The following ARMCX4 variants were observed in gnomAD, a reference collection of about 807,000 sequenced individuals.
ARMCX4 encodes the protein armadillo repeat-containing X-linked protein 4.
In ARMCX4, 3 loss-of-function variants were observed where a neutral mutation model predicts 34.7. The ratio of observed to expected loss-of-function variants is 0.09; its 90% confidence interval spans 0.04 to 0.22. The LOEUF is 0.22. Ranked by LOEUF, ARMCX4 falls within the 10% of genes least tolerant of loss-of-function variation. ARMCX4 has a pLI of 1.00. For missense variants in ARMCX4, 1,448 were observed against 1,720.8 expected, an observed-to-expected ratio of 0.84 and a Z score of 2.81; for synonymous variants, 513 against 632.8, an observed-to-expected ratio of 0.81 and a Z score of 2.84.
At chrX:101,531,662 T>G (rs1935130335) in exon 12 of ARMCX4, 1 of 111,730 alleles carries the variant, frequency 9.0e-6, no homozygotes, top group African/African-American at 3.2e-5. Flanking sequence ...ATCGATATTA[T>G]GGAAGCTATG....
rs781889713 is a variant in ARMCX4 at position 101,495,240 on chromosome X, G to A, written c.6651G>A (p.Glu2217=). 2.6e-6 allele frequency: 3 copies of A among 1,146,500 alleles called. No homozygotes were observed. The African/African-American group carries it at 5.4e-5, about 21-fold the overall frequency. 94.5% of individuals were successfully genotyped at this position (1,146,500 alleles called of 1,213,427 possible). Residue 2217 remains glutamate (E), a synonymous_variant, in exon 6 of 6, where the codon GAG becomes GAA. Coordinates refer to ENST00000423738, the MANE Select transcript of ARMCX4 (RefSeq NM_001256155.3). ...TSLINIFSKK[E]TKENILNALS... is the part of the protein sequence containing the mutation. ...TGATTAACATTTTTAGCAAGAAAGA[G>A]ACAAAGGAGAATATTCTTAATGCTC...
chrX:101,433,964 G>A (rs1200578236), intron 2 of ARMCX4, among the ~76,000 whole-genome samples: 1 of 101,225 alleles, frequency 9.9e-6, no homozygotes. Context: ...TTTTTTTTCC[G>A]AGATGGGGTC....
At chrX:101,512,561 T>C (rs1281729922) in intron 11 of ARMCX4, among the ~76,000 whole-genome samples, 1 of 109,667 alleles carries the variant, frequency 9.1e-6, no homozygotes, top group Non-Finnish European at 1.9e-5. Flanking sequence ...TTCTAGGTCA[T>C]TCAATGTTTA....
intron 4 of ARMCX4, among the ~76,000 whole-genome samples, chrX:101,473,263 C>G (rs1932994321): frequency 2.7e-5 from 3 of 111,439 alleles, no homozygotes; most frequent in East Asian, 2.8e-4. Context: ...GCTAACTATC[C>G]TAAATATATA....
At chrX:101,504,237 T>G (rs1934385446) in intron 7 of ARMCX4, among the ~76,000 whole-genome samples, 1 of 111,614 alleles carries the variant, frequency 9.0e-6, no homozygotes, top group South Asian at 3.8e-4. Context: ...TCCAGCTTTG[T>G]TCTTTTGGCT....
chrX:101,494,257 G>A lies in ARMCX4; in HGVS notation c.5668G>A (p.Glu1890Lys), dbSNP rs1356924525. Residue 1890 changes from glutamate (E) to lysine (K), a missense_variant, in exon 6 of 6, where the codon GAG becomes AAG. By Grantham distance (56) the Glu-to-Lys change is moderately conservative. Coordinates refer to ENST00000423738, the MANE Select transcript of ARMCX4 (RefSeq NM_001256155.3). The part of the protein sequence containing the change: ...RNVGEDELSR[E>K]SSPDIEEISL... The stretch of plus-strand genomic sequence containing the variant: ...TGTGGGAGAGGATGAGCTAAGTAGA[G>A]AGTCCAGCCCTGATATTGAGGAGAT... The A allele has an allele frequency of 1.7e-6, 2 of 1,155,060 alleles. No individual in the cohort carries two copies. Among genetic ancestry groups the A allele is most frequent in the East Asian group, 6.5e-5 (2 of 30,772 alleles).
chrX:101,436,395 T>C (rs1305694299), intron 2 of ARMCX4, among the ~76,000 whole-genome samples: 1 of 110,373 alleles, frequency 9.1e-6, no homozygotes, highest in Non-Finnish European at 1.9e-5. Flanking sequence ...TATTTTATTC[T>C]CTTTGAAGCA....
chrX:101,454,645 T>C (rs1855748045), intron 4 of ARMCX4, among the ~76,000 whole-genome samples: 1 of 111,176 alleles, frequency 9.0e-6, no homozygotes, highest in African/African-American at 3.3e-5. Context: ...TGGGAAGAGA[T>C]GTTCATAATT....
intron 4 of ARMCX4, among the ~76,000 whole-genome samples, chrX:101,475,637 C>G (rs1556004098): frequency 9.0e-6 from 1 of 111,304 alleles, no homozygotes; most frequent in African/African-American, 3.3e-5. Context: ...AAATATACCT[C>G]TGTACTGTAT....
downstream of ARMCX4, among the ~76,000 whole-genome samples, chrX:101,446,939 G>T (rs1931682031): frequency 1.2e-5 from 1 of 86,406 alleles, no homozygotes; most frequent in Admixed American, 1.3e-4. Flanking sequence ...AGGCGACAGA[G>T]TGAGACTCCG....
Position 101,492,344 on chromosome X carries a change from G to C in ARMCX4, c.3755G>C (p.Ser1252Thr). The change falls in exon 6 of 6, where the codon AGT becomes ACT. Residue 1252 changes from serine to threonine, a missense_variant. Ser to Thr is a moderately conservative substitution (Grantham distance 58). Around this residue, in one of 2 missense-constraint regions of ARMCX4, gnomAD observed 1,343 missense variants for 1,540.7 expected, o/e 0.87. Coordinates refer to ENST00000423738, the MANE Select transcript of ARMCX4 (RefSeq NM_001256155.3). ...GGGTCCTGGCCTGGGGGACAGGCCA[G>C]TGGGGTGTCCTGGGTTGGGGAAGAG... ...SDGSWPGGQA[S>T]GVSWVGEEAI... The C allele has an allele frequency of 3.5e-6, 4 of 1,152,330 alleles. No individual in the cohort carries two copies. The highest frequency in any genetic ancestry group is 4.6e-6 in the Non-Finnish European group (4 of 870,938). The allele number at this position is 1,152,330 out of a possible 1,213,427, so 95.0% of individuals were successfully genotyped here. A position where few individuals can be genotyped will look rare whatever the true frequency, so the allele number is the denominator to read the frequency against.
intron 2 of ARMCX4, among the ~76,000 whole-genome samples, chrX:101,434,279 A>T (rs1930534497): frequency 1.2e-5 from 1 of 85,471 alleles, no homozygotes. Flanking sequence ...TTTGATATGG[A>T]TCCTCATACT....
chrX:101,505,185 T>G (rs1472135505), exon 8 of ARMCX4: 1 of 110,346 alleles, frequency 9.1e-6, no homozygotes, highest in Non-Finnish European at 1.9e-5. Flanking sequence ...CTCATGGGAC[T>G]GGATTAGTTA....
downstream of ARMCX4, among the ~76,000 whole-genome samples, chrX:101,497,531 G>T (rs1934206749): frequency 9.0e-6 from 1 of 111,413 alleles, no homozygotes; most frequent in Non-Finnish European, 1.9e-5. Flanking sequence ...GAGCCACCAC[G>T]CCCGGCCTCA....
chrX:101,485,546 C>CCCTTA lies in ARMCX4; in HGVS notation c.-437+18_-437+19insTTACC. ...AGCGGAGCAGGTAAGGGCCCTGGGG[C>CCCTTA]CCGCGCGCCCTGGCCAGGCCGGCAG... On this transcript the variant is annotated intron_variant, in intron 1 of 5. Transcript: ENST00000423738. The CCCTTA allele has an allele frequency of 2.4e-6, 1 of 415,990 alleles. No homozygotes were observed. The highest frequency in any genetic ancestry group is 3.0e-6 in the Non-Finnish European group (1 of 330,772). The allele number at this position is 415,990 out of a possible 1,213,427, so 34.3% of individuals were successfully genotyped here.
intron 11 of ARMCX4, among the ~76,000 whole-genome samples, chrX:101,516,138 G>A (rs1039674555): frequency 2.7e-5 from 3 of 110,734 alleles, no homozygotes; most frequent in Non-Finnish European, 3.8e-5. Flanking sequence ...ATAGCTTCTC[G>A]GAAAAAAATA....
In ARMCX4 at chrX:101,437,380, G is replaced by A. The variant is rs1974992762; in HGVS notation, n.165-6672G>A. Among the ~76,000 whole-genome samples, 3 of 112,087 alleles carry A rather than the reference G, an allele frequency of 2.7e-5. No homozygotes were observed. In the Admixed American group the frequency reaches 2.8e-4, roughly 11 times the overall value. On this transcript the variant is annotated intron_variant and non_coding_transcript_variant, in intron 2 of 3. Transcript: ENST00000430461. The stretch of plus-strand genomic sequence containing the variant: ...CTTCCTGGTTTAGTCTTGGGAGGGT[G>A]TATGTGTCGAGGAGTTTATCCATTT...
At chrX:101,450,716 A>G, downstream of ARMCX4, among the ~76,000 whole-genome samples, 1 of 112,241 alleles carries the variant, frequency 8.9e-6, no homozygotes. Context: ...CCCAAGGCCC[A>G]TAGTGTACTT....
In ARMCX4 at chrX:101,489,918, G is replaced by A; in HGVS notation, c.1329G>A (p.Glu443=). 8.6e-7 allele frequency: 1 copy of A among 1,156,201 alleles called. No homozygotes were observed. The highest frequency in any genetic ancestry group is 1.1e-6 in the Non-Finnish European group (1 of 873,040). Residue 443 remains glutamate, a synonymous_variant, in exon 6 of 6, where the codon GAG becomes GAA. Coordinates refer to ENST00000423738, the MANE Select transcript of ARMCX4 (RefSeq NM_001256155.3). ...ACTTGAGGGCCAATTCCCAGGTTGA[G>A]GCCTTGCCTGATGCCAGGGATAAGA... is the stretch of plus-strand genomic sequence containing the variant. ...KANLRANSQV[E]ALPDARDKSR...
Sources: allele counts gnomAD v4.1 joint callset (sites outside exome capture counted in the v4.1 genomes callset), GRCh38; gene constraint gnomAD v4.1.1; regional missense constraint gnomAD v4.1.1; transcripts MANE v1.5; gene names NCBI Gene and HGNC (gene_info 2026-07-23, HGNC 2026-07-21).